AMMECR1: variants seen among roughly 807,000 people sequenced by gnomAD.
AMMECR1 encodes nuclear protein AMMECR1.
In AMMECR1, 3 loss-of-function variants were observed where a neutral mutation model predicts 22.5. The observed-to-expected ratio is 0.13, with a 90% CI of 0.06 to 0.35. The LOEUF is 0.35. Ranked by LOEUF, AMMECR1 falls within the 10% of genes least tolerant of loss-of-function variation. AMMECR1 has a pLI of 1.00. For missense variants in AMMECR1, 235 were observed against 278.7 expected, an observed-to-expected ratio of 0.84 and a Z score of 1.12; for synonymous variants, 130 against 116.7, an observed-to-expected ratio of 1.11 and a Z score of -0.74.
At chrX:110,313,396 G>C (rs1423023432) in intron 1 of AMMECR1, among the ~76,000 whole-genome samples, 2 of 112,222 alleles carry the variant, frequency 1.8e-5, no homozygotes, top group Non-Finnish European at 3.8e-5. Context: ...AAAATAAAAA[G>C]TTCAAGTAAC....
intron 2 of AMMECR1, among the ~76,000 whole-genome samples, chrX:110,370,940 C>T (rs1452655090): frequency 2.7e-5 from 3 of 111,865 alleles, no homozygotes; most frequent in Non-Finnish European, 3.8e-5. Flanking sequence ...CACTTTTGTC[C>T]TCCCCATAGG....
chrX:110,390,400 GA>G (rs2068486773), intron 2 of AMMECR1, among the ~76,000 whole-genome samples: 2 of 112,047 alleles, frequency 1.8e-5, no homozygotes, highest in South Asian at 7.4e-4. Flanking sequence ...TAATAACTCT[GA>G]TTACCTATTT....
intron 2 of AMMECR1, among the ~76,000 whole-genome samples, chrX:110,352,355 C>A (rs565178730): frequency 8.9e-6 from 1 of 112,203 alleles, no homozygotes; most frequent in African/African-American, 3.2e-5. Context: ...GGTGGTATAC[C>A]CATACAATGG....
intron 2 of AMMECR1, among the ~76,000 whole-genome samples, chrX:110,361,735 A>T (rs2068264964): frequency 8.9e-6 from 1 of 112,222 alleles, no homozygotes; most frequent in Admixed American, 9.5e-5. Flanking sequence ...ATACTAGCAG[A>T]TGTTATATGT....
chrX:110,403,023 C>T (rs779292412), intron 2 of AMMECR1, among the ~76,000 whole-genome samples: 1 of 111,760 alleles, frequency 8.9e-6, no homozygotes, highest in African/African-American at 3.3e-5. Context: ...TCCAGATAAG[C>T]AGAAGCTCAG....
At chrX:110,429,868 A>G (rs1161027789) in intron 1 of AMMECR1, among the ~76,000 whole-genome samples, 1 of 112,658 alleles carries the variant, frequency 8.9e-6, no homozygotes, top group Non-Finnish European at 1.9e-5. Flanking sequence ...AACTTATTTT[A>G]TATTTTATAT....
At chrX:110,224,200 C>T (rs958645461) in intron 2 of AMMECR1, among the ~76,000 whole-genome samples, 3 of 110,435 alleles carry the variant, frequency 2.7e-5, no homozygotes, top group African/African-American at 9.9e-5. Context: ...AAGTTATCTT[C>T]TCTAGGAATT....
At position 110,274,594 on chromosome X, in the gene AMMECR1, TTTTTGC is replaced by T. The variant is rs752241911; in HGVS notation, c.474-10001_474-9996del. ...GAATGTTTGTATATCTTTTTCTGTCTTTTTGCTTTTAACATACCTGTGTCTTTATCC... is the reference window on the plus strand; with the variant it reads ...GAATGTTTGTATATCTTTTTCTGTCTTTTTAACATACCTGTGTCTTTATCC... On this transcript the variant is annotated intron_variant, in intron 1 of 5. Coordinates refer to ENST00000262844, the MANE Select transcript of AMMECR1 (RefSeq NM_015365.3). 2.0e-3 allele frequency among the ~76,000 whole-genome samples: 225 copies of T among 112,005 alleles called. 1 individual carries two copies. Among genetic ancestry groups the T allele is most frequent in the Non-Finnish European group, 1.7e-3 (91 of 53,149 alleles).
intron 1 of AMMECR1, among the ~76,000 whole-genome samples, chrX:110,284,452 A>G (rs909445323): frequency 2.7e-5 from 3 of 112,203 alleles, no homozygotes; most frequent in Non-Finnish European, 3.8e-5. Context: ...ACCTAACATC[A>G]GGGTAGCTAA....
intron 2 of AMMECR1, among the ~76,000 whole-genome samples, chrX:110,248,351 A>G (rs1442273637): frequency 9.0e-6 from 1 of 110,517 alleles, no homozygotes; most frequent in Non-Finnish European, 1.9e-5. Flanking sequence ...GCACTACTGT[A>G]CTCCATCTTG....
chrX:110,433,459 AG>A (rs1328203691), intron 1 of AMMECR1, among the ~76,000 whole-genome samples: 1 of 111,529 alleles, frequency 9.0e-6, no homozygotes, highest in Non-Finnish European at 1.9e-5. Context: ...GAGGATGACT[AG>A]GAAGGGTAAT....
upstream of AMMECR1, among the ~76,000 whole-genome samples, chrX:110,321,838 G>A (rs2068080008): frequency 8.9e-6 from 1 of 112,093 alleles, no homozygotes; most frequent in Non-Finnish European, 1.9e-5. Context: ...ACTGCAGAAT[G>A]TAATATTCTT....
chrX:110,377,510 T>C (rs2068385295), intron 2 of AMMECR1, among the ~76,000 whole-genome samples: 1 of 112,011 alleles, frequency 8.9e-6, no homozygotes, highest in Non-Finnish European at 1.9e-5. Context: ...AATCAAACTA[T>C]TAATTAACTT....
chrX:110,432,697 A>G (rs1251714904), intron 1 of AMMECR1, among the ~76,000 whole-genome samples: 4 of 112,093 alleles, frequency 3.6e-5, no homozygotes, highest in Non-Finnish European at 7.5e-5. Context: ...CACTAATGCT[A>G]TTAAGCAGGA....
intron 2 of AMMECR1, among the ~76,000 whole-genome samples, chrX:110,337,320 T>G (rs1253041563): frequency 2.7e-5 from 3 of 112,270 alleles, no homozygotes; most frequent in Non-Finnish European, 5.6e-5. Context: ...ATTATTCAAG[T>G]TTTCTGGGGC....
chrX:110,246,986 C>T (rs970733572), intron 2 of AMMECR1, among the ~76,000 whole-genome samples: 1 of 112,168 alleles, frequency 8.9e-6, no homozygotes, highest in African/African-American at 3.2e-5. Context: ...TGTCCCATTA[C>T]TCTTTCCTCC....
At chrX:110,329,116 T>C (rs1602901903) in intron 2 of AMMECR1, among the ~76,000 whole-genome samples, 1 of 112,369 alleles carries the variant, frequency 8.9e-6, no homozygotes, top group Non-Finnish European at 1.9e-5. Context: ...CCACATCCTC[T>C]CCAGCATCTG....
chrX:110,286,671 CAA>C (rs775821051), intron 1 of AMMECR1, among the ~76,000 whole-genome samples: 19 of 66,921 alleles, frequency 2.8e-4, no homozygotes, highest in Non-Finnish European at 2.1e-4. Context: ...GACCCTGTCT[CAA>C]AAAAAAAAAA....
At chrX:110,415,125 G>T (rs1480984951) in intron 2 of AMMECR1, among the ~76,000 whole-genome samples, 1 of 112,110 alleles carries the variant, frequency 8.9e-6, no homozygotes, top group Non-Finnish European at 1.9e-5. Context: ...CTTGAGAACT[G>T]GGATTGTGCC....
Sources: allele counts gnomAD v4.1 joint callset (sites outside exome capture counted in the v4.1 genomes callset), GRCh38; gene constraint gnomAD v4.1.1; transcripts MANE v1.5; gene names NCBI Gene and HGNC (gene_info 2026-07-23, HGNC 2026-07-21).